The following RBFOX1 variants were observed in gnomAD, a reference collection of about 807,000 sequenced individuals.
RBFOX1 encodes RNA binding fox-1 homolog 1.
In RBFOX1, 8 loss-of-function variants were observed where a neutral mutation model predicts 57.7. That is an observed-to-expected ratio of 0.14 (90% confidence interval 0.08 to 0.25). The LOEUF (loss-of-function observed/expected upper bound fraction) is 0.25, where lower values mean the gene tolerates loss of function less well. RBFOX1 is among the 10% of genes least tolerant of loss of function. The pLI, the probability that RBFOX1 is intolerant of heterozygous loss-of-function variation, is 1.00. For synonymous variants in RBFOX1, 326 were observed against 222.4 expected (o/e 1.47, Z -4.15); for missense variants, 611 against 548.5 (o/e 1.11, Z -1.14).
chr16:6,105,711 C>G (rs1465946777), intron 1 of RBFOX1, among the ~76,000 whole-genome samples: 1 of 150,716 alleles, frequency 6.6e-6, no homozygotes, highest in Non-Finnish European at 1.5e-5. Context: ...TAAATTAATT[C>G]CCTTGTCATT....
chr16:7,475,655 C>T (rs908128890), intron 4 of RBFOX1, among the ~76,000 whole-genome samples: 3 of 152,056 alleles, frequency 2.0e-5, no homozygotes, highest in African/African-American at 7.2e-5. Context: ...GATCATGTTT[C>T]TGGCATCCAA....
intron 4 of RBFOX1, among the ~76,000 whole-genome samples, chr16:5,894,131 G>C (rs576595813): frequency 2.6e-5 from 4 of 152,146 alleles, no homozygotes; most frequent in South Asian, 2.1e-4. Context: ...TTTTAAACAT[G>C]CCACCAAATT....
At chr16:5,290,458 A>G (rs1364508181) in intron 1 of RBFOX1, among the ~76,000 whole-genome samples, 1 of 152,148 alleles carries the variant, frequency 6.6e-6, no homozygotes, top group Non-Finnish European at 1.5e-5. Context: ...TTTAAAATTG[A>G]TCCTGATGGT....
intron 4 of RBFOX1, among the ~76,000 whole-genome samples, chr16:7,204,905 C>G (rs773384028): frequency 2.0e-5 from 3 of 152,178 alleles, no homozygotes; most frequent in African/African-American, 7.2e-5. Flanking sequence ...ATTCATCTTT[C>G]TATGTCTCTT....
chr16:7,361,222 T>G (rs2146618616), intron 4 of RBFOX1, among the ~76,000 whole-genome samples: 1 of 152,284 alleles, frequency 6.6e-6, no homozygotes, highest in Non-Finnish European at 1.5e-5. Context: ...ATGCAGGTTC[T>G]GGGCTCTGAA....
rs192914226 is a variant in RBFOX1, at chr16:5,609,880, C to T, written c.318+10919C>T. ...GAGGACTGTGCAGAGACGGTGGGGG[C>T]GGGGTGGAAGACAAAACCGACATCA... On this transcript the variant is annotated intron_variant, in intron 3 of 19. Coordinates refer to the RBFOX1 transcript ENST00000641259. 5.1e-3 allele frequency among the ~76,000 whole-genome samples: 573 copies of T among 113,000 alleles called. 3 individuals are homozygous for T. Among genetic ancestry groups the T allele is most frequent in the African/African-American group, 0.017 (536 of 32,054 alleles). 74.1% of individuals were successfully genotyped at this position (113,000 alleles called of 152,430 possible).
At chr16:6,179,823 G>A (rs924871278) in intron 1 of RBFOX1, among the ~76,000 whole-genome samples, 11 of 152,208 alleles carry the variant, frequency 7.2e-5, no homozygotes, top group African/African-American at 2.7e-4. Flanking sequence ...GAGCAGCGTA[G>A]TTGGGTTTCA....
At chr16:5,676,657 C>A (rs776281838) in intron 3 of RBFOX1, among the ~76,000 whole-genome samples, 1 of 152,116 alleles carries the variant, frequency 6.6e-6, no homozygotes, top group Admixed American at 6.5e-5. Flanking sequence ...GGCCAGGAGT[C>A]TGAGGCCAGC....
intron 4 of RBFOX1, among the ~76,000 whole-genome samples, chr16:7,408,523 A>G (rs1428361954): frequency 2.6e-5 from 4 of 152,176 alleles, no homozygotes; most frequent in Non-Finnish European, 5.9e-5. Flanking sequence ...GACACTTTTC[A>G]TCTCTCTAGA....
intron 2 of RBFOX1, among the ~76,000 whole-genome samples, chr16:5,533,053 G>A (rs574566013): frequency 1.4e-4 from 22 of 152,164 alleles, no homozygotes; most frequent in Non-Finnish European, 2.9e-4. Flanking sequence ...ATTGGAGGAA[G>A]CTTCAGAATT....
chr16:6,149,838 A>G (rs1159080002), intron 1 of RBFOX1, among the ~76,000 whole-genome samples: 17 of 152,218 alleles, frequency 1.1e-4, no homozygotes, highest in African/African-American at 3.9e-4. Flanking sequence ...TAGCTTGGTA[A>G]AATGTGAATC....
chr16:5,403,610 A>G (rs949164590), intron 1 of RBFOX1, among the ~76,000 whole-genome samples: 1 of 151,886 alleles, frequency 6.6e-6, no homozygotes, highest in Non-Finnish European at 1.5e-5. Flanking sequence ...ATGCCCAGCT[A>G]ATTTTTTGTA....
intron 3 of RBFOX1, among the ~76,000 whole-genome samples, chr16:5,749,156 C>G (rs1388396047): frequency 4.6e-5 from 7 of 152,118 alleles, no homozygotes; most frequent in South Asian, 2.1e-4. Context: ...ATATGAAGTT[C>G]TGGGTTGAAA....
At chr16:7,548,419 G>A (rs1255588847) in intron 5 of RBFOX1, among the ~76,000 whole-genome samples, 1 of 152,180 alleles carries the variant, frequency 6.6e-6, no homozygotes, top group Non-Finnish European at 1.5e-5. Flanking sequence ...GCCACCCAAA[G>A]TGCTGGGATT....
intron 4 of RBFOX1, among the ~76,000 whole-genome samples, chr16:7,392,829 GT>G (rs1568594291): frequency 1.4e-5 from 2 of 147,786 alleles, no homozygotes; most frequent in African/African-American, 5.1e-5. Context: ...TGGTGTCTTG[GT>G]TTTTTGTTGT....
chr16:6,962,057 G>A (rs377644629), intron 3 of RBFOX1, among the ~76,000 whole-genome samples: 1 of 152,246 alleles, frequency 6.6e-6, no homozygotes, highest in African/African-American at 2.4e-5. Context: ...GTGGTTAGAA[G>A]GCCTCTGACA....
intron 3 of RBFOX1, among the ~76,000 whole-genome samples, chr16:6,899,021 G>A (rs926104830): frequency 5.9e-5 from 9 of 151,588 alleles, no homozygotes; most frequent in South Asian, 2.1e-4. Flanking sequence ...GCGCGTCTCT[G>A]TGTGTGTGTA....
In RBFOX1 at chr16:6,882,811, C is replaced by A. The variant is rs1019821748; in HGVS notation, c.-15-169246C>A. ...GTGGCATTCCTGGGGGGTATCAATT[C>A]TCTGTTTCTTTGCCCCTTTTCAGAG... On this transcript the variant is annotated intron_variant, in intron 3 of 15. Transcript: ENST00000550418. Among the ~76,000 whole-genome samples the A allele has an allele frequency of 2.6e-5, 4 of 152,132 alleles. No individual in the cohort carries two copies. In the East Asian group the frequency reaches 5.8e-4, roughly 22 times the overall value.
At chr16:7,129,339 A>G (rs1186952614) in intron 4 of RBFOX1, among the ~76,000 whole-genome samples, 10 of 152,156 alleles carry the variant, frequency 6.6e-5, no homozygotes, top group Admixed American at 4.6e-4. Flanking sequence ...CATTTCTAAG[A>G]TGAGGTACAG....
Sources: allele counts gnomAD v4.1 joint callset (sites outside exome capture counted in the v4.1 genomes callset), GRCh38; gene constraint gnomAD v4.1.1; transcripts MANE v1.5; gene names NCBI Gene and HGNC (gene_info 2026-07-23, HGNC 2026-07-21).